HTR1F: variants seen among roughly 807,000 people sequenced by gnomAD.
HTR1F encodes the protein 5-hydroxytryptamine receptor 1F, also known as 5-hydroxytryptamine (serotonin) receptor 1F, G protein-coupled.
In HTR1F, 17 loss-of-function variants were observed where a neutral mutation model predicts 24.0. The observed-to-expected ratio is 0.71, with a 90% CI of 0.48 to 1.06. The LOEUF is 1.06. Among genes scored for constraint, HTR1F ranks in the 50% least tolerant of loss-of-function variants. The pLI, the probability that HTR1F is intolerant of heterozygous loss-of-function variation, is 0.00. For missense variants in HTR1F, 391 were observed against 427.8 expected (o/e 0.91, Z 0.76); for synonymous variants, 186 against 156.8 (o/e 1.19, Z -1.39).
chr3:87,945,502 C>T (rs544133719), intron 2 of HTR1F, among the ~76,000 whole-genome samples: 1 of 152,256 alleles, frequency 6.6e-6, no homozygotes, highest in Non-Finnish European at 1.5e-5. Context: ...CACACATGGG[C>T]GACTATTGAG....
At chr3:87,823,784 G>A (rs1292858237) in intron 2 of HTR1F, among the ~76,000 whole-genome samples, 1 of 152,000 alleles carries the variant, frequency 6.6e-6, no homozygotes, top group African/African-American at 2.4e-5. Context: ...AACAGGCCAG[G>A]CACAGTGGTT....
intron 1 of HTR1F, among the ~76,000 whole-genome samples, chr3:87,817,649 T>C (rs1445645298): frequency 2.6e-5 from 4 of 152,206 alleles, no homozygotes; most frequent in Non-Finnish European, 4.4e-5. Context: ...ACTTAAATTT[T>C]ACAAATGAGA....
chr3:87,916,696 A>G (rs1306674978), intron 2 of HTR1F, among the ~76,000 whole-genome samples: 1 of 152,128 alleles, frequency 6.6e-6, no homozygotes, highest in Non-Finnish European at 1.5e-5. Context: ...ACATATATGC[A>G]CCTAACACTG....
chr3:87,814,037 G>T (rs1469156475), intron 1 of HTR1F, among the ~76,000 whole-genome samples: 1 of 152,052 alleles, frequency 6.6e-6, no homozygotes. Context: ...TTTTAAAAGT[G>T]GTTACTAGGC....
intron 1 of HTR1F, among the ~76,000 whole-genome samples, chr3:87,817,642 T>A (rs1575902808): frequency 1.3e-5 from 2 of 152,318 alleles, no homozygotes; most frequent in Middle Eastern, 3.4e-3. Context: ...ACTGCAAACT[T>A]AAATTTTACA....
intron 2 of HTR1F, among the ~76,000 whole-genome samples, chr3:87,906,174 A>G (rs1003605798): frequency 6.6e-6 from 1 of 152,178 alleles, no homozygotes; most frequent in African/African-American, 2.4e-5. Flanking sequence ...ACCAAAGGTT[A>G]AGGCTATAGA....
intron 2 of HTR1F, among the ~76,000 whole-genome samples, chr3:87,887,948 A>T (rs1353395183): frequency 6.6e-6 from 1 of 152,188 alleles, no homozygotes; most frequent in Admixed American, 6.5e-5. Context: ...ATACCATTTG[A>T]CCCAGCAATC....
intron 2 of HTR1F, among the ~76,000 whole-genome samples, chr3:87,875,941 A>T (rs986723194): frequency 6.8e-6 from 1 of 147,698 alleles, no homozygotes; most frequent in African/African-American, 2.6e-5. Flanking sequence ...AAAAAAAAAA[A>T]GGGCAAGACT....
chr3:87,856,089 G>A (rs972827978), intron 2 of HTR1F, among the ~76,000 whole-genome samples: 1 of 151,892 alleles, frequency 6.6e-6, no homozygotes, highest in East Asian at 1.9e-4. Flanking sequence ...GATATTTTGA[G>A]AGAGAAAACA....
At chr3:87,882,390 A>G (rs1705824412) in intron 2 of HTR1F, among the ~76,000 whole-genome samples, 2 of 152,200 alleles carry the variant, frequency 1.3e-5, no homozygotes, top group African/African-American at 2.4e-5. Context: ...TCATGCTGCT[A>G]TAAAGACATA....
At chr3:87,941,638 A>C (rs1438967080) in intron 2 of HTR1F, among the ~76,000 whole-genome samples, 1 of 152,174 alleles carries the variant, frequency 6.6e-6, no homozygotes, top group East Asian at 1.9e-4. Flanking sequence ...CTTGGAGTAA[A>C]ACCGTCCAGG....
intron 2 of HTR1F, chr3:87,910,246 C>T (rs1703748895): frequency 1.3e-5 from 2 of 151,954 alleles, no homozygotes; most frequent in Non-Finnish European, 1.5e-5. Context: ...GAAAAGGTTA[C>T]CATACTCCTT....
chr3:87,915,289 A>G (rs955342271), intron 2 of HTR1F, among the ~76,000 whole-genome samples: 1 of 152,184 alleles, frequency 6.6e-6, no homozygotes, highest in African/African-American at 2.4e-5. Context: ...TGACAAAACA[A>G]GGTTCTATAA....
At chr3:87,970,043 G>A (rs1255306274) in intron 2 of HTR1F, among the ~76,000 whole-genome samples, 1 of 152,214 alleles carries the variant, frequency 6.6e-6, no homozygotes, top group Non-Finnish European at 1.5e-5. Context: ...GTGGAACTGT[G>A]AGTCTTTTAA....
chr3:87,988,901 A>T (rs1012723350), intron 2 of HTR1F, among the ~76,000 whole-genome samples: 8 of 152,098 alleles, frequency 5.3e-5, no homozygotes, highest in African/African-American at 7.2e-5. Flanking sequence ...TAATATACCT[A>T]ACCACATTAT....
At chr3:87,853,211 C>T (rs1465847092) in intron 2 of HTR1F, among the ~76,000 whole-genome samples, 1 of 151,874 alleles carries the variant, frequency 6.6e-6, no homozygotes, top group Non-Finnish European at 1.5e-5. Flanking sequence ...GATCCTCTCC[C>T]CACTCCCACT....
chr3:87,964,625 C>A (rs760970985), intron 2 of HTR1F, among the ~76,000 whole-genome samples: 6 of 152,066 alleles, frequency 3.9e-5, no homozygotes, highest in Non-Finnish European at 7.4e-5. Context: ...GGTTATACAA[C>A]ACTGGGGCCA....
At chr3:87,853,552 G>A (rs1361626311) in intron 2 of HTR1F, among the ~76,000 whole-genome samples, 1 of 152,028 alleles carries the variant, frequency 6.6e-6, no homozygotes, top group Non-Finnish European at 1.5e-5. Flanking sequence ...TGTCTTCATA[G>A]TAGAACAATT....
At chr3:87,854,963 G>A (rs1049683361) in intron 2 of HTR1F, among the ~76,000 whole-genome samples, 1 of 151,940 alleles carries the variant, frequency 6.6e-6, no homozygotes, top group Non-Finnish European at 1.5e-5. Flanking sequence ...GTTGCTTTAT[G>A]TCTCCTCAAG....
Sources: gnomAD v4.1 joint callset for allele counts (sites outside exome capture counted in the v4.1 genomes callset) on GRCh38, gnomAD v4.1.1 for gene constraint, MANE v1.5 for transcripts, NCBI Gene and HGNC (gene_info 2026-07-23, HGNC 2026-07-21) for gene names.